Variants in ME3 observed in about 807,000 individuals in gnomAD.
The protein encoded by ME3 is malic enzyme 3.
A neutral mutation model predicts 68.9 loss-of-function variants in ME3; 48 were observed. That is an observed-to-expected ratio of 0.70 (90% confidence interval 0.55 to 0.89). The LOEUF (loss-of-function observed/expected upper bound fraction) is 0.89. Ranked by LOEUF, ME3 falls within the 40% of genes least tolerant of loss-of-function variation. The pLI, the probability that ME3 is intolerant of heterozygous loss-of-function variation, is 0.00. For missense variants in ME3, 675 were observed against 797.4 expected (o/e 0.85, Z 1.85); for synonymous variants, 320 against 318.8 (o/e 1.00, Z -0.04).
intron 4 of ME3, among the ~76,000 whole-genome samples, chr11:86,536,049 A>G (rs1955631178): frequency 1.3e-5 from 2 of 152,270 alleles, no homozygotes; most frequent in Admixed American, 6.5e-5. Flanking sequence ...CTCCAACCCT[A>G]GATTCAGCTA....
intron 7 of ME3, among the ~76,000 whole-genome samples, chr11:86,476,685 T>A (rs1951098021): frequency 1.3e-5 from 2 of 152,204 alleles, no homozygotes; most frequent in Admixed American, 1.3e-4. Context: ...CACATGAATC[T>A]ACACAACACC....
At position 86,598,230 on chromosome 11, in the gene ME3, C is replaced by T. The variant is rs562958331; in HGVS notation, c.184-38407G>A. ...GGTGAGAGAATGGCATCTGGAAAAT[C>T]GGGCCATTCGCACCCGAATACTGCG... On this transcript the variant is annotated intron_variant, in intron 2 of 14. Coordinates refer to ENST00000543262, the Ensembl canonical transcript of ME3. Among the ~76,000 whole-genome samples the T allele has an allele frequency of 7.2e-5, 11 of 152,308 alleles. No homozygotes were observed. The South Asian group carries it at 8.3e-4, about 11-fold the overall frequency.
intron 2 of ME3, among the ~76,000 whole-genome samples, chr11:86,638,772 A>T (rs146121927): frequency 2.2e-3 from 333 of 152,328 alleles, no homozygotes; most frequent in Middle Eastern, 3.4e-3. Flanking sequence ...AACTTCAGGA[A>T]AGATAGATCA....
intron 2 of ME3, among the ~76,000 whole-genome samples, chr11:86,572,769 A>G (rs1274298856): frequency 1.3e-5 from 2 of 152,180 alleles, no homozygotes; most frequent in African/African-American, 4.8e-5. Context: ...TAGTAGAATG[A>G]TTTATATTAC....
intron 2 of ME3, among the ~76,000 whole-genome samples, chr11:86,616,839 A>T (rs1250308487): frequency 6.6e-6 from 1 of 152,134 alleles, no homozygotes; most frequent in African/African-American, 2.4e-5. Context: ...GAAAAGAGGC[A>T]CCAATAGAAA....
intron 2 of ME3, among the ~76,000 whole-genome samples, chr11:86,637,790 G>A (rs1158503978): frequency 6.6e-6 from 1 of 152,130 alleles, no homozygotes; most frequent in Non-Finnish European, 1.5e-5. Flanking sequence ...AGGAGAAATT[G>A]GAGATAAGGA....
chr11:86,513,036 A>G (rs1594242716), intron 4 of ME3, among the ~76,000 whole-genome samples: 1 of 152,186 alleles, frequency 6.6e-6, no homozygotes, highest in Non-Finnish European at 1.5e-5. Context: ...ACTCTTATCA[A>G]TGGAGAAGGC....
intron 4 of ME3, among the ~76,000 whole-genome samples, chr11:86,518,275 T>C (rs1594261326): frequency 6.6e-6 from 1 of 152,224 alleles, no homozygotes; most frequent in African/African-American, 2.4e-5. Flanking sequence ...ATGTAGCCTA[T>C]GATAAAGATT....
intron 2 of ME3, among the ~76,000 whole-genome samples, chr11:86,651,231 G>C (rs573280710): frequency 4.9e-4 from 74 of 152,322 alleles, no homozygotes; most frequent in African/African-American, 1.7e-3. Flanking sequence ...CTGTCTGACA[G>C]CTTGGAAGAC....
intron 2 of ME3, among the ~76,000 whole-genome samples, chr11:86,642,958 G>A (rs535158271): frequency 1.3e-5 from 2 of 151,994 alleles, no homozygotes; most frequent in South Asian, 4.2e-4. Context: ...GTTAAGCTGT[G>A]TAAATTTATG....
intron 2 of ME3, among the ~76,000 whole-genome samples, chr11:86,650,672 A>C (rs1166611795): frequency 6.6e-6 from 1 of 152,222 alleles, no homozygotes; most frequent in Non-Finnish European, 1.5e-5. Context: ...TGTGAGCGAC[A>C]CAGAAGATGA....
In ME3 at chr11:86,447,226, T is replaced by TA; in HGVS notation, c.1238-20dup. 1 of 1,612,426 alleles carries TA rather than the reference T, an allele frequency of 6.2e-7. No homozygotes were observed. The highest frequency in any genetic ancestry group is 8.5e-7 in the Non-Finnish European group (1 of 1,179,158). On this transcript the variant is annotated intron_variant, in intron 11 of 14. Coordinates refer to ENST00000543262, the Ensembl canonical transcript of ME3. ...GCAACACCTACAGGGAAAAGGCGGGTAGTGGGGATGCCTGCTCTCTATAAA... is the reference window on the plus strand; with the variant it reads ...GCAACACCTACAGGGAAAAGGCGGGTAAGTGGGGATGCCTGCTCTCTATAAA...
intron 2 of ME3, among the ~76,000 whole-genome samples, chr11:86,591,328 G>A (rs1052766567): frequency 6.6e-6 from 1 of 152,184 alleles, no homozygotes; most frequent in Non-Finnish European, 1.5e-5. Flanking sequence ...TGAAGTGCTT[G>A]CCCCTAGTAC....
At chr11:86,542,013 G>T (rs950530770) in intron 4 of ME3, among the ~76,000 whole-genome samples, 36 of 152,286 alleles carry the variant, frequency 2.4e-4, no homozygotes, top group Admixed American at 2.2e-3. Flanking sequence ...AGGCAAACAG[G>T]GTCTGGAGTG....
intron 6 of ME3, among the ~76,000 whole-genome samples, chr11:86,490,093 G>A (rs1419191089): frequency 5.9e-5 from 9 of 152,102 alleles, no homozygotes; most frequent in Admixed American, 5.9e-4. Flanking sequence ...TCTTTTTAAG[G>A]ACACTGTTCT....
intron 2 of ME3, among the ~76,000 whole-genome samples, chr11:86,623,282 A>T (rs1253948114): frequency 6.6e-6 from 1 of 152,144 alleles, no homozygotes; most frequent in Non-Finnish European, 1.5e-5. Flanking sequence ...GCCCTTGGAT[A>T]TCAGAGCTCC....
intron 2 of ME3, among the ~76,000 whole-genome samples, chr11:86,632,561 G>A (rs2155035): frequency 0.13 from 19,452 of 152,194 alleles, 1,716 homozygotes; most frequent in East Asian, 0.4. Flanking sequence ...TCAGACATTA[G>A]TCTCTATGTC....
At chr11:86,660,384 T>C (rs1333782074) in intron 2 of ME3, among the ~76,000 whole-genome samples, 1 of 152,230 alleles carries the variant, frequency 6.6e-6, no homozygotes, top group African/African-American at 2.4e-5. Context: ...CTTTAGGATG[T>C]GCATTAATCA....
chr11:86,653,288 ATACAT>A (rs1389394578), intron 2 of ME3, among the ~76,000 whole-genome samples: 12 of 152,318 alleles, frequency 7.9e-5, no homozygotes, highest in African/African-American at 2.9e-4. Flanking sequence ...TCAACAGATT[ATACAT>A]TATTTTCAGC....
Sources: allele counts gnomAD v4.1 joint callset (sites outside exome capture counted in the v4.1 genomes callset), GRCh38; gene constraint gnomAD v4.1.1; transcripts MANE v1.5; gene names NCBI Gene and HGNC (gene_info 2026-07-23, HGNC 2026-07-21).